TBC1D5: variants seen among roughly 807,000 people sequenced by gnomAD.
TBC1D5 encodes TBC1 domain family, member 5.
A neutral mutation model predicts 100.3 loss-of-function variants in TBC1D5; 75 were observed. That is an observed-to-expected ratio of 0.75 (90% CI 0.62 to 0.91). The LOEUF is 0.91. Ranked by LOEUF, TBC1D5 falls within the 40% of genes least tolerant of loss-of-function variation. TBC1D5 has a pLI of 0.00. For missense variants in TBC1D5, 910 were observed against 942.4 expected, an observed-to-expected ratio of 0.97 and a Z score of 0.45; for synonymous variants, 323 against 325.6, an observed-to-expected ratio of 0.99 and a Z score of 0.09.
At chr3:17,291,937 T>C in exon 15 of TBC1D5, 3 of 1,613,944 alleles carry the variant, frequency 1.9e-6, no homozygotes, top group Non-Finnish European at 2.5e-6. Context: ...TCAGTGAGTG[T>C]ACATCCCCGA....
intron 13 of TBC1D5, among the ~76,000 whole-genome samples, chr3:17,365,104 A>G (rs2151941312): frequency 6.6e-6 from 1 of 152,328 alleles, no homozygotes; most frequent in East Asian, 1.9e-4. Context: ...AATGATTTAA[A>G]TTATTTTCAC....
intron 1 of TBC1D5, among the ~76,000 whole-genome samples, chr3:17,634,108 T>C (rs926065394): frequency 6.6e-6 from 1 of 152,198 alleles, no homozygotes; most frequent in Non-Finnish European, 1.5e-5. Flanking sequence ...AGGAAGCCTT[T>C]CTACACTGTT....
In TBC1D5 at chr3:17,364,843, A is replaced by G. The variant is rs193048093; in HGVS notation, c.995+7232T>C. Among the ~76,000 whole-genome samples, 38 of 152,306 alleles carry G rather than the reference A, an allele frequency of 2.5e-4. 1 individual carries two copies. The East Asian group carries it at 6.9e-3, about 28-fold the overall frequency. On this transcript the variant is annotated intron_variant, in intron 13 of 21. Transcript: ENST00000253692. Reference sequence around the variant, plus strand: ...GGAATTTTGCACTGAGCACATAAAAATTAGTAACAATGAACACTGATTGAG... The same window carrying G: ...GGAATTTTGCACTGAGCACATAAAAGTTAGTAACAATGAACACTGATTGAG...
At chr3:17,265,903 G>A (rs2596649) in intron 15 of TBC1D5, among the ~76,000 whole-genome samples, 72,901 of 150,110 alleles carry the variant, frequency 0.49, 18,210 homozygotes, top group African/African-American at 0.59. Context: ...TTTTTTAACT[G>A]AAGGTATTTT....
At chr3:17,189,624 C>G (rs1210709463) in intron 18 of TBC1D5, among the ~76,000 whole-genome samples, 1 of 152,218 alleles carries the variant, frequency 6.6e-6, no homozygotes, top group Non-Finnish European at 1.5e-5. Flanking sequence ...TTATCTCCGA[C>G]ATAAAATATG....
chr3:17,575,271 A>G (rs1156517661), intron 2 of TBC1D5: 1 of 151,770 alleles, frequency 6.6e-6, no homozygotes, highest in Non-Finnish European at 1.5e-5. Flanking sequence ...AGCCTTAATC[A>G]CACCATGCAC....
chr3:17,161,147 G>A (rs778187195), exon 22 of TBC1D5: 1 of 1,614,200 alleles, frequency 6.2e-7, no homozygotes, highest in South Asian at 1.1e-5. Flanking sequence ...AAGAGGCTGG[G>A]CCTGGCCGGA....
intron 7 of TBC1D5, 103 bp from the exon 8 acceptor site, chr3:17,403,351 G>A (rs1008798230): frequency 1.4e-6 from 1 of 730,728 alleles, no homozygotes; most frequent in East Asian, 3.3e-5. Context: ...TCTTCTCTGA[G>A]ATCATTTCAC....
intron 13 of TBC1D5, among the ~76,000 whole-genome samples, chr3:17,335,407 T>A (rs1178233367): frequency 6.6e-6 from 1 of 152,134 alleles, no homozygotes; most frequent in Non-Finnish European, 1.5e-5. Context: ...ATCTCCTATC[T>A]TTCTAGATCT....
At chr3:17,617,585 C>T (rs932914021) in intron 2 of TBC1D5, among the ~76,000 whole-genome samples, 7 of 152,252 alleles carry the variant, frequency 4.6e-5, no homozygotes, top group Admixed American at 3.3e-4. Flanking sequence ...TTGTAGGCTT[C>T]GTTTGCTTCT....
intron 4 of TBC1D5, among the ~76,000 whole-genome samples, chr3:17,416,544 A>G (rs2094077621): frequency 6.6e-6 from 1 of 152,218 alleles, no homozygotes; most frequent in African/African-American, 2.4e-5. Flanking sequence ...AACTGGGGAA[A>G]GCAAACAAAC....
intron 13 of TBC1D5, among the ~76,000 whole-genome samples, chr3:17,329,528 G>T (rs939436875): frequency 6.3e-5 from 7 of 110,662 alleles, no homozygotes; most frequent in Non-Finnish European, 9.4e-5. Context: ...TGATTTTATG[G>T]AGGATAAAAA....
At chr3:17,600,135 C>T (rs753642688) in intron 2 of TBC1D5, among the ~76,000 whole-genome samples, 3 of 152,168 alleles carry the variant, frequency 2.0e-5, no homozygotes, top group African/African-American at 4.8e-5. Flanking sequence ...TTCTAAACAG[C>T]ATTTCAAACC....
chr3:17,471,731 AC>A (rs1263275100), intron 3 of TBC1D5, among the ~76,000 whole-genome samples: 1 of 151,998 alleles, frequency 6.6e-6, no homozygotes, highest in Non-Finnish European at 1.5e-5. Flanking sequence ...GTACATGTAC[AC>A]ACAATACCAT....
intron 16 of TBC1D5, among the ~76,000 whole-genome samples, chr3:17,245,946 C>A (rs114719153): frequency 6.6e-6 from 1 of 152,114 alleles, no homozygotes; most frequent in Admixed American, 6.5e-5. Context: ...TAGACTAACA[C>A]ATGAGAAAGG....
chr3:17,535,775 TCTCA>T (rs1382569878), intron 2 of TBC1D5, among the ~76,000 whole-genome samples: 3 of 152,086 alleles, frequency 2.0e-5, no homozygotes, highest in Non-Finnish European at 2.9e-5. Context: ...GTGCTCTATC[TCTCA>T]CTATTACTTC....
chr3:17,353,526 C>A (rs2090879981), intron 13 of TBC1D5, among the ~76,000 whole-genome samples: 1 of 152,038 alleles, frequency 6.6e-6, no homozygotes, highest in Admixed American at 6.6e-5. Flanking sequence ...TATTTCAATG[C>A]ATAACTATGT....
chr3:17,710,806 T>C (rs1361737442), intron 1 of TBC1D5, among the ~76,000 whole-genome samples: 2 of 152,024 alleles, frequency 1.3e-5, no homozygotes, highest in Non-Finnish European at 2.9e-5. Context: ...CAAGCAATTC[T>C]CCTGCCTCGG....
At chr3:17,493,504 T>C (rs2095664697) in intron 3 of TBC1D5, among the ~76,000 whole-genome samples, 1 of 152,320 alleles carries the variant, frequency 6.6e-6, no homozygotes, top group East Asian at 1.9e-4. Flanking sequence ...TCCTGGATGA[T>C]ATCCTGAAGT....
Sources: allele counts gnomAD v4.1 joint callset (sites outside exome capture counted in the v4.1 genomes callset), GRCh38; gene constraint gnomAD v4.1.1; transcripts MANE v1.5; gene names NCBI Gene and HGNC (gene_info 2026-07-23, HGNC 2026-07-21).